BCAS3: variants seen among roughly 807,000 people sequenced by gnomAD.
BCAS3 encodes BCAS4/BCAS3 fusion.
In BCAS3, 53 loss-of-function variants were observed where a neutral mutation model predicts 116.1. The observed-to-expected ratio is 0.46, with a 90% CI of 0.37 to 0.57. The LOEUF is 0.57. BCAS3 is among the 20% of genes least tolerant of loss of function. BCAS3 has a pLI of 0.00. For missense variants in BCAS3, 917 were observed against 1,165.4 expected, an observed-to-expected ratio of 0.79 and a Z score of 3.10; for synonymous variants, 391 against 408.2, an observed-to-expected ratio of 0.96 and a Z score of 0.51.
intron 20 of BCAS3, 144 bp downstream of exon 20, chr17:61,075,164 T>C: frequency 1.6e-6 from 1 of 629,606 alleles, no homozygotes. Flanking sequence ...TATTACAAAT[T>C]ACTCCACAAA....
At chr17:60,741,958 G>A (rs996307619) in intron 5 of BCAS3, among the ~76,000 whole-genome samples, 1 of 152,058 alleles carries the variant, frequency 6.6e-6, no homozygotes, top group African/African-American at 2.4e-5. Flanking sequence ...GTAAAACAGT[G>A]ATCTCATACA....
At chr17:60,797,673 T>A (rs2047336051) in intron 6 of BCAS3, among the ~76,000 whole-genome samples, 1 of 152,142 alleles carries the variant, frequency 6.6e-6, no homozygotes, top group African/African-American at 2.4e-5. Flanking sequence ...CCTAATGCTA[T>A]CCCTCTCCTA....
At chr17:60,753,914 T>TG (rs1874718858) in intron 6 of BCAS3, among the ~76,000 whole-genome samples, 1 of 152,242 alleles carries the variant, frequency 6.6e-6, no homozygotes, top group South Asian at 2.1e-4. Flanking sequence ...AATAATAATA[T>TG]GTACCATATG....
intron 12 of BCAS3, among the ~76,000 whole-genome samples, chr17:60,920,422 T>C (rs1048924702): frequency 1.3e-5 from 2 of 152,152 alleles, no homozygotes; most frequent in Non-Finnish European, 2.9e-5. Context: ...CCATTAAAAA[T>C]GGGCAAAGGA....
At chr17:60,954,523 G>A (rs1046170943) in intron 14 of BCAS3, among the ~76,000 whole-genome samples, 1 of 152,090 alleles carries the variant, frequency 6.6e-6, no homozygotes, top group Non-Finnish European at 1.5e-5. Flanking sequence ...TTAGCCTTTA[G>A]CATTGAATGA....
In BCAS3 at chr17:60,994,368, T is replaced by C. The variant is rs1432122834; in HGVS notation, c.1486+4133T>C. ...ATTTTCTTTGTAATTATATGTCTTT[T>C]TCCCATGGCTTGTAAGTATTATTCT... On this transcript the variant is annotated intron_variant, in intron 15 of 23. Transcript: ENST00000407086. The surrounding 1 kb of genome is among the most constrained non-coding windows in gnomAD (Gnocchi z 4.4). 1.3e-5 allele frequency among the ~76,000 whole-genome samples: 2 copies of C among 152,126 alleles called. No homozygotes were observed. The highest frequency in any genetic ancestry group is 4.8e-5 in the African/African-American group (2 of 41,436).
intron 14 of BCAS3, among the ~76,000 whole-genome samples, chr17:60,952,024 A>T (rs1018753213): frequency 6.6e-6 from 1 of 151,752 alleles, no homozygotes; most frequent in Non-Finnish European, 1.5e-5. Context: ...CACCCGCCTC[A>T]GCCTCCCAAA....
At position 60,911,123 on chromosome 17, in the gene BCAS3, C is replaced by CTTTTTTTTTTTTTTTTTTTT. The variant is rs1162942971; in HGVS notation, c.993+438_993+439insTTTTTTTTTTTTTTTTTTTT. ...AATAAATTTTTTTCTTTTTTTCTTT[C>CTTTTTTTTTTTTTTTTTTTT]TTTTTTTTTTTTTTTTTGAGATGGA... On this transcript the variant is annotated intron_variant, in intron 12 of 23. Transcript: ENST00000407086. Among the ~76,000 whole-genome samples, 277 of 88,242 alleles carry CTTTTTTTTTTTTTTTTTTTT rather than the reference C, an allele frequency of 3.1e-3. 8 individuals are homozygous for CTTTTTTTTTTTTTTTTTTTT. The highest frequency in any genetic ancestry group is 0.013 in the Middle Eastern group (1 of 78). The allele number at this position is 88,242 out of a possible 152,430, so 57.9% of individuals were successfully genotyped here.
intron 6 of BCAS3, among the ~76,000 whole-genome samples, chr17:60,760,374 G>A (rs563509865): frequency 4.0e-5 from 6 of 151,438 alleles, no homozygotes; most frequent in Admixed American, 1.3e-4. Flanking sequence ...AGCATCTCTT[G>A]TAGGCCTAGT....
At chr17:60,882,155 T>G (rs1263276925) in intron 9 of BCAS3, among the ~76,000 whole-genome samples, 7 of 152,116 alleles carry the variant, frequency 4.6e-5, no homozygotes. Flanking sequence ...AGATGGTATC[T>G]CATTGTGGTT....
In BCAS3 at chr17:61,344,693, C is replaced by T. The variant is rs1043512595; in HGVS notation, c.2426-23634C>T. Reference sequence around the variant, plus strand: ...AGCTGCAGTTGAGGGATGAGCAAGGCGAAGATGTAAAGGCCCTGGGGTGAA... The same window carrying T: ...AGCTGCAGTTGAGGGATGAGCAAGGTGAAGATGTAAAGGCCCTGGGGTGAA... On this transcript the variant is annotated intron_variant, in intron 22 of 23. Coordinates refer to ENST00000407086, the MANE Select transcript of BCAS3 (RefSeq NM_017679.5). The surrounding 1 kb of genome is among the most constrained non-coding windows in gnomAD (Gnocchi z 4.1). Among the ~76,000 whole-genome samples the T allele has an allele frequency of 2.0e-5, 3 of 151,826 alleles. No individual in the cohort carries two copies. Among genetic ancestry groups the T allele is most frequent in the Admixed American group, 6.6e-5 (1 of 15,248 alleles).
At chr17:60,749,743 C>T (rs2144273938) in intron 6 of BCAS3, among the ~76,000 whole-genome samples, 1 of 152,250 alleles carries the variant, frequency 6.6e-6, no homozygotes, top group East Asian at 1.9e-4. Context: ...TTCTTTCCCT[C>T]CCTTTCTTCT....
chr17:60,924,589 A>T, intron 13 of BCAS3, 89 bp downstream of exon 13: 1 of 961,648 alleles, frequency 1.0e-6, no homozygotes, highest in Non-Finnish European at 1.6e-6. Flanking sequence ...ATGGAATCTG[A>T]CTTTTCTTCA....
At position 61,034,804 on chromosome 17, in the gene BCAS3, C is replaced by A; in HGVS notation, c.1762+14C>A. 6.3e-7 allele frequency: 1 copy of A among 1,581,976 alleles called. No individual in the cohort carries two copies. On this transcript the variant is annotated intron_variant, in intron 17 of 23. Transcript: ENST00000407086. This position sits in a 1 kb window ranked among gnomAD's most constrained non-coding sequence, Gnocchi z 5.0. ...AAAGAGAAAAAGGTATGTATTTTTA[C>A]TGAAAAATGAATGCTCTATTTGTAA...
Position 61,265,407 on chromosome 17 carries a change from GA to G in BCAS3, c.2426-102907del, listed in dbSNP as rs35341720. ...TAACAAGAGTGAAACTCTGTCTCAA[GA>G]AAAAAAAAAAAAGAAAGCACAGTAC... is the stretch of plus-strand genomic sequence containing the variant. On this transcript the variant is annotated intron_variant, in intron 22 of 23. Transcript: ENST00000407086. This position sits in a 1 kb window ranked among gnomAD's most constrained non-coding sequence, Gnocchi z 4.3. Among the ~76,000 whole-genome samples, 9,797 of 125,754 alleles carry G rather than the reference GA, an allele frequency of 0.078. 450 individuals carry two copies. The highest frequency in any genetic ancestry group is 0.12 in the Non-Finnish European group (6,944 of 57,908). The allele number at this position is 125,754 out of a possible 152,430, so 82.5% of individuals were successfully genotyped here. A position where few individuals can be genotyped will look rare whatever the true frequency, so the allele number is the denominator to read the frequency against.
At position 61,347,893 on chromosome 17, in the gene BCAS3, G is replaced by A. The variant is rs974035358; in HGVS notation, c.2426-20434G>A. Among the ~76,000 whole-genome samples the A allele has an allele frequency of 6.6e-6, 1 of 152,192 alleles. No homozygotes were observed. Among genetic ancestry groups the A allele is most frequent in the Non-Finnish European group, 1.5e-5 (1 of 68,036 alleles). Reference sequence around the variant, plus strand: ...ACACAGGGGCAAGGCGCAAGGTGGGGTGTAGCGTTCAGAGTCTGGAAAGCT... The same window carrying A: ...ACACAGGGGCAAGGCGCAAGGTGGGATGTAGCGTTCAGAGTCTGGAAAGCT... On this transcript the variant is annotated intron_variant, in intron 22 of 23. Coordinates refer to ENST00000407086, the MANE Select transcript of BCAS3 (RefSeq NM_017679.5). This position sits in a 1 kb window ranked among gnomAD's most constrained non-coding sequence, Gnocchi z 4.3.
intron 22 of BCAS3, among the ~76,000 whole-genome samples, chr17:61,123,629 G>T (rs117267369): frequency 6.6e-6 from 1 of 151,488 alleles, no homozygotes; most frequent in African/African-American, 2.4e-5. Flanking sequence ...ATTTTTATTG[G>T]GGGGGAGTGG....
At chr17:60,844,761 G>A (rs1659111295) in intron 7 of BCAS3, among the ~76,000 whole-genome samples, 3 of 152,180 alleles carry the variant, frequency 2.0e-5, no homozygotes, top group Admixed American at 6.5e-5. Flanking sequence ...TCATAAGATT[G>A]CAAAGGAAGA....
chr17:61,094,742 G>A (rs564057359), intron 22 of BCAS3, among the ~76,000 whole-genome samples: 38 of 152,302 alleles, frequency 2.5e-4, no homozygotes, highest in Middle Eastern at 3.4e-3. Flanking sequence ...TACTTGGGAG[G>A]CTAAGGCAGG....
Sources: gnomAD v4.1 joint callset for allele counts (sites outside exome capture counted in the v4.1 genomes callset) on GRCh38, gnomAD v4.1.1 for gene constraint, Gnocchi (gnomAD v3.1) non-coding constraint, MANE v1.5 for transcripts, NCBI Gene and HGNC (gene_info 2026-07-23, HGNC 2026-07-21) for gene names.